The following FRMD6 variants were observed in gnomAD, a reference collection of about 807,000 sequenced individuals.
FRMD6 encodes FERM domain-containing protein 6.
A neutral mutation model predicts 73.2 loss-of-function variants in FRMD6; 37 were observed. The observed-to-expected ratio is 0.51, with a 90% confidence interval of 0.39 to 0.66. The LOEUF is 0.66. Among genes scored for constraint, FRMD6 ranks in the 30% least tolerant of loss-of-function variants. FRMD6 has a pLI of 0.00. For missense variants in FRMD6, 714 were observed against 780.5 expected, an observed-to-expected ratio of 0.91 and a Z score of 1.02; for synonymous variants, 273 against 282.2, an observed-to-expected ratio of 0.97 and a Z score of 0.33.
chr14:51,445,793 C>G, the FRMD6 span, among the ~76,000 whole-genome samples: 1 of 152,310 alleles, frequency 6.6e-6, no homozygotes, highest in South Asian at 2.1e-4. Context: ...GAAAAAGTAC[C>G]TAGCACAAGA....
At chr14:51,701,312 GTA>G (rs915558631) in intron 4 of FRMD6, among the ~76,000 whole-genome samples, 153 bp downstream of exon 4, 53 of 143,844 alleles carry the variant, frequency 3.7e-4, no homozygotes, top group Middle Eastern at 4.2e-3. Context: ...TATATGTATA[GTA>G]TATATATATA....
At chr14:51,441,838 T>C in the FRMD6 span, among the ~76,000 whole-genome samples, 11 of 152,348 alleles carry the variant, frequency 7.2e-5, no homozygotes, top group Non-Finnish European at 1.3e-4. Context: ...CAAAATTCCT[T>C]TGAAAATTAC....
At chr14:51,476,019 C>A in the FRMD6 span, among the ~76,000 whole-genome samples, 1 of 152,112 alleles carries the variant, frequency 6.6e-6, no homozygotes, top group African/African-American at 2.4e-5. Context: ...TATTTTAGGA[C>A]CCTGGGGCTG....
chr14:51,432,951 C>A, the FRMD6 span, among the ~76,000 whole-genome samples: 11 of 152,294 alleles, frequency 7.2e-5, no homozygotes, highest in East Asian at 1.5e-3. Flanking sequence ...ATAGAAATGG[C>A]CCTTAAACAT....
At chr14:51,520,313 G>C (rs1884874899) in intron 1 of FRMD6, among the ~76,000 whole-genome samples, 1 of 152,188 alleles carries the variant, frequency 6.6e-6, no homozygotes, top group Non-Finnish European at 1.5e-5. Context: ...AAGGTGCAGA[G>C]CAACTTGCAT....
At chr14:51,416,873 C>T in the FRMD6 span, among the ~76,000 whole-genome samples, 18 of 152,256 alleles carry the variant, frequency 1.2e-4, no homozygotes, top group African/African-American at 4.3e-4. Context: ...ATAGTTAGCT[C>T]TTCTTGTTGA....
chr14:51,430,545 A>G, the FRMD6 span, among the ~76,000 whole-genome samples: 12 of 151,862 alleles, frequency 7.9e-5, no homozygotes, highest in Non-Finnish European at 1.3e-4. Flanking sequence ...GTAGAAGTTC[A>G]TGTGTTCGTG....
chr14:51,429,424 A>AT, the FRMD6 span, among the ~76,000 whole-genome samples: 14,825 of 151,574 alleles, frequency 0.098, 785 homozygotes, highest in East Asian at 0.13. Context: ...AGTCATGAAG[A>AT]TTTTTTTTTG....
At chr14:51,704,598 G>A in intron 5 of FRMD6, 151 bp from the exon 6 acceptor site, 1 of 627,826 alleles carries the variant, frequency 1.6e-6, no homozygotes, top group South Asian at 2.2e-5. Context: ...TCAGATATTA[G>A]CTACAACCGC....
At chr14:51,659,316 C>T (rs1250174726) in intron 1 of FRMD6, among the ~76,000 whole-genome samples, 2 of 152,158 alleles carry the variant, frequency 1.3e-5, no homozygotes, top group African/African-American at 4.8e-5. Flanking sequence ...ATATAATAAA[C>T]GTCTTACGTG....
chr14:51,625,153 G>A (rs937926867), intron 2 of FRMD6, among the ~76,000 whole-genome samples: 1 of 152,188 alleles, frequency 6.6e-6, no homozygotes, highest in Admixed American at 6.5e-5. Flanking sequence ...GAGTGAAACA[G>A]GGCAGTTTGG....
At chr14:51,567,769 C>G (rs1363315911) in intron 1 of FRMD6, among the ~76,000 whole-genome samples, 1 of 152,172 alleles carries the variant, frequency 6.6e-6, no homozygotes, top group Non-Finnish European at 1.5e-5. Context: ...GCTTAACTCT[C>G]TCCTTTCTTT....
In FRMD6 at chr14:51,495,085, A is replaced by G. The variant is rs118101911; in HGVS notation, c.-210+5665A>G. On this transcript the variant is annotated intron_variant, in intron 1 of 14. Transcript: ENST00000356218. The stretch of plus-strand genomic sequence containing the variant: ...ACCATACCTTCAACACTTGACTTAG[A>G]ATTTTCCTCAGCCAAATATCCAATT... 6.6e-3 allele frequency among the ~76,000 whole-genome samples: 1,005 copies of G among 152,296 alleles called. 7 individuals are homozygous for G. The highest frequency in any genetic ancestry group is 0.017 in the Middle Eastern group (5 of 294).
chr14:51,649,868 C>T (rs931490232), upstream of FRMD6: 6 of 152,214 alleles, frequency 3.9e-5, no homozygotes, highest in Admixed American at 2.0e-4. Context: ...AAGCCATCCT[C>T]CCACCTCAGC....
At chr14:51,418,573 G>A in the FRMD6 span, among the ~76,000 whole-genome samples, 1 of 152,220 alleles carries the variant, frequency 6.6e-6, no homozygotes, top group Non-Finnish European at 1.5e-5. Flanking sequence ...GCACCTGCCT[G>A]TATGAGGTGT....
At chr14:51,474,217 C>T in the FRMD6 span, among the ~76,000 whole-genome samples, 185 of 152,206 alleles carry the variant, frequency 1.2e-3, 1 homozygote, top group African/African-American at 4.3e-3. Context: ...GTTAGGAAAA[C>T]GCTGGGGTGC....
At chr14:51,674,272 T>C (rs938517318) in intron 1 of FRMD6, among the ~76,000 whole-genome samples, 1 of 152,204 alleles carries the variant, frequency 6.6e-6, no homozygotes, top group South Asian at 2.1e-4. Flanking sequence ...CATGAAGGAA[T>C]ATAGGCACTC....
intron 2 of FRMD6, chr14:51,697,866 T>C (rs1354566526): frequency 4.1e-6 from 1 of 242,374 alleles, no homozygotes; most frequent in East Asian, 8.1e-5. Context: ...AACTCATTTA[T>C]CATTTATCAT....
intron 12 of FRMD6, among the ~76,000 whole-genome samples, chr14:51,722,687 C>A (rs1015054398): frequency 2.6e-5 from 4 of 152,168 alleles, no homozygotes; most frequent in African/African-American, 9.7e-5. Flanking sequence ...AAGATACTAT[C>A]TTTAAAAAAC....
Sources: allele counts gnomAD v4.1 joint callset (sites outside exome capture counted in the v4.1 genomes callset), GRCh38; gene constraint gnomAD v4.1.1; transcripts MANE v1.5; gene names NCBI Gene and HGNC (gene_info 2026-07-23, HGNC 2026-07-21).